The following GABRB1 variants were observed in gnomAD, a reference collection of about 807,000 sequenced individuals.
The protein encoded by GABRB1 is gamma-aminobutyric acid type A receptor subunit beta1.
In GABRB1, 17 loss-of-function variants were observed where a neutral mutation model predicts 51.6. The ratio of observed to expected loss-of-function variants is 0.33; its 90% CI spans 0.23 to 0.49. The LOEUF (loss-of-function observed/expected upper bound fraction) is 0.49, where lower values mean the gene tolerates loss of function less well. Among genes scored for constraint, GABRB1 ranks in the 20% least tolerant of loss-of-function variants. The pLI, the probability that GABRB1 is intolerant of heterozygous loss-of-function variation, is 0.99. For missense variants in GABRB1, 410 were observed against 600.6 expected, an observed-to-expected ratio of 0.68 and a Z score of 3.32; for synonymous variants, 247 against 218.9, an observed-to-expected ratio of 1.13 and a Z score of -1.14.
At chr4:47,249,197 A>T (rs577323041) in intron 4 of GABRB1, among the ~76,000 whole-genome samples, 1 of 152,106 alleles carries the variant, frequency 6.6e-6, no homozygotes, top group South Asian at 2.1e-4. Context: ...TAGAGGTTTG[A>T]TAGATTGTGT....
At chr4:47,235,092 C>T (rs770708701) in intron 4 of GABRB1, among the ~76,000 whole-genome samples, 4 of 152,206 alleles carry the variant, frequency 2.6e-5, no homozygotes, top group African/African-American at 9.7e-5. Context: ...CCTACCACAA[C>T]TTTATCTAGA....
chr4:47,007,043 G>A (rs773114373), intron 1 of GABRB1, among the ~76,000 whole-genome samples: 2 of 151,994 alleles, frequency 1.3e-5, no homozygotes, highest in African/African-American at 2.4e-5. Context: ...AGGAGGCTGG[G>A]GTCCGAGGAT....
chr4:47,285,574 G>A (rs1185767578), intron 4 of GABRB1, among the ~76,000 whole-genome samples: 1 of 151,998 alleles, frequency 6.6e-6, no homozygotes, highest in Non-Finnish European at 1.5e-5. Flanking sequence ...TTACTTCCAG[G>A]GCCAGCACCA....
At chr4:47,123,724 G>T (rs36203165) in intron 3 of GABRB1, among the ~76,000 whole-genome samples, 4 of 78,540 alleles carry the variant, frequency 5.1e-5, no homozygotes, top group Non-Finnish European at 8.8e-5. Context: ...TATGATATAT[G>T]ATATATCATA....
intron 4 of GABRB1, among the ~76,000 whole-genome samples, chr4:47,219,523 T>C (rs1720689326): frequency 1.3e-5 from 2 of 151,924 alleles, no homozygotes; most frequent in Admixed American, 1.3e-4. Flanking sequence ...ATTTATTACA[T>C]TTGGGCCATT....
chr4:47,008,001 G>A (rs957818586), intron 1 of GABRB1, among the ~76,000 whole-genome samples: 1 of 151,928 alleles, frequency 6.6e-6, no homozygotes, highest in South Asian at 2.1e-4. Context: ...GAGAAGTATA[G>A]AGACAGGCAC....
At chr4:47,062,319 A>G (rs935639692) in intron 3 of GABRB1, among the ~76,000 whole-genome samples, 1 of 149,288 alleles carries the variant, frequency 6.7e-6, no homozygotes, top group African/African-American at 2.5e-5. Flanking sequence ...TTTTTTTGAC[A>G]AGCAAGAGAT....
chr4:47,059,166 T>C (rs1726743326), intron 3 of GABRB1, among the ~76,000 whole-genome samples: 1 of 152,188 alleles, frequency 6.6e-6, no homozygotes, highest in Non-Finnish European at 1.5e-5. Flanking sequence ...CTCTATACTA[T>C]GGATTCTTCA....
At chr4:47,088,754 G>C (rs558634879) in intron 3 of GABRB1, among the ~76,000 whole-genome samples, 2 of 152,076 alleles carry the variant, frequency 1.3e-5, no homozygotes, top group Non-Finnish European at 2.9e-5. Flanking sequence ...CTCTTCCAAA[G>C]ACCATGCTGT....
At chr4:47,198,844 T>C (rs1452378902) in intron 4 of GABRB1, among the ~76,000 whole-genome samples, 2 of 152,124 alleles carry the variant, frequency 1.3e-5, no homozygotes, top group Admixed American at 6.6e-5. Context: ...CTTATGATCA[T>C]GGCAGGAGGC....
At position 47,372,120 on chromosome 4, in the gene GABRB1, G is replaced by A. The variant is rs149695804; in HGVS notation, c.545-31198G>A. Among the ~76,000 whole-genome samples the A allele has an allele frequency of 9.0e-3, 1,372 of 152,246 alleles. 18 individuals carry two copies. Among genetic ancestry groups the A allele is most frequent in the African/African-American group, 0.032 (1,317 of 41,546 alleles). The stretch of plus-strand genomic sequence containing the variant: ...TCTTGAGTTCATTTTTGCATAAGGT[G>A]TAACAAAGGGATCCAGTTTGAATTT... On this transcript the variant is annotated intron_variant, in intron 5 of 8. Coordinates refer to ENST00000295454, the MANE Select transcript of GABRB1 (RefSeq NM_000812.4).
chr4:47,017,826 AAGG>A (rs1425759535), intron 1 of GABRB1, among the ~76,000 whole-genome samples: 7 of 152,194 alleles, frequency 4.6e-5, no homozygotes, highest in African/African-American at 1.7e-4. Flanking sequence ...ACAGATTGTT[AAGG>A]AGAAGTTCAG....
chr4:47,051,215 A>C (rs1726336313), intron 3 of GABRB1, among the ~76,000 whole-genome samples: 1 of 152,158 alleles, frequency 6.6e-6, no homozygotes, highest in African/African-American at 2.4e-5. Flanking sequence ...AATGGGCAAT[A>C]TCCGGAATAA....
chr4:47,090,503 C>T (rs1728248048), intron 3 of GABRB1, among the ~76,000 whole-genome samples: 1 of 152,162 alleles, frequency 6.6e-6, no homozygotes. Flanking sequence ...GCAGACACAA[C>T]ATTGGATAAA....
intron 3 of GABRB1, among the ~76,000 whole-genome samples, chr4:47,114,024 G>C (rs1242695194): frequency 6.6e-6 from 1 of 152,170 alleles, no homozygotes; most frequent in Non-Finnish European, 1.5e-5. Context: ...AGTTCCTTCT[G>C]CTTCCGTGGT....
chr4:47,220,237 A>C (rs1471527660), intron 4 of GABRB1, among the ~76,000 whole-genome samples: 2 of 151,966 alleles, frequency 1.3e-5, no homozygotes, highest in Non-Finnish European at 2.9e-5. Flanking sequence ...AGCTCCTTTA[A>C]GGTGTTTAAG....
intron 5 of GABRB1, among the ~76,000 whole-genome samples, chr4:47,384,898 C>A (rs1198131734): frequency 1.3e-5 from 2 of 152,030 alleles, no homozygotes; most frequent in Non-Finnish European, 2.9e-5. Context: ...TTTAAGGATG[C>A]CAAATAGATT....
At position 47,180,156 on chromosome 4, in the gene GABRB1, A is replaced by C. The variant is rs549313573; in HGVS notation, c.461+18687A>C. ...TTTTTCTATCTAAAACTTCTTTTGCAACAAGAAACACCCTGATACAGAGGA... is the reference window on the plus strand; with the variant it reads ...TTTTTCTATCTAAAACTTCTTTTGCCACAAGAAACACCCTGATACAGAGGA... On this transcript the variant is annotated intron_variant, in intron 4 of 8. Transcript: ENST00000295454. Among the ~76,000 whole-genome samples, 3 of 152,158 alleles carry C rather than the reference A, an allele frequency of 2.0e-5. No individual in the cohort carries two copies. The East Asian group carries it at 5.8e-4, about 29-fold the overall frequency.
At chr4:47,058,530 T>G (rs565562454) in intron 3 of GABRB1, among the ~76,000 whole-genome samples, 1 of 152,268 alleles carries the variant, frequency 6.6e-6, no homozygotes, top group African/African-American at 2.4e-5. Context: ...TATCCATGCA[T>G]CCGGGCTTTT....
Sources: allele counts gnomAD v4.1 joint callset (sites outside exome capture counted in the v4.1 genomes callset), GRCh38; gene constraint gnomAD v4.1.1; transcripts MANE v1.5; gene names NCBI Gene and HGNC (gene_info 2026-07-23, HGNC 2026-07-21).